VAV3: variants seen among roughly 807,000 people sequenced by gnomAD.
The protein encoded by VAV3 is guanine nucleotide exchange factor VAV3.
VAV3 carries 94 observed loss-of-function variants against 131.2 expected under a neutral mutation model. That is an observed-to-expected ratio of 0.72 (90% CI 0.61 to 0.85). VAV3 has a LOEUF of 0.85. Ranked by LOEUF, VAV3 falls within the 40% of genes least tolerant of loss-of-function variation. VAV3 has a pLI of 0.00. For missense variants in VAV3, 939 were observed against 1,002.7 expected, an observed-to-expected ratio of 0.94 and a Z score of 0.86; for synonymous variants, 349 against 342.0, an observed-to-expected ratio of 1.02 and a Z score of -0.22.
chr1:107,700,658 T>G (rs1055716702), intron 17 of VAV3, among the ~76,000 whole-genome samples: 5 of 152,230 alleles, frequency 3.3e-5, no homozygotes, highest in African/African-American at 1.2e-4. Context: ...CGGCATGGTA[T>G]TCTATGATAT....
intron 1 of VAV3, among the ~76,000 whole-genome samples, chr1:107,934,184 A>G (rs557884216): frequency 6.6e-6 from 1 of 152,340 alleles, no homozygotes; most frequent in South Asian, 2.1e-4. Context: ...AAATAATTAT[A>G]TCCTTTAGAA....
intron 15 of VAV3, among the ~76,000 whole-genome samples, chr1:107,747,031 C>T (rs186971399): frequency 1.5e-4 from 23 of 152,140 alleles, no homozygotes; most frequent in African/African-American, 5.3e-4. Flanking sequence ...AGGCATGTGC[C>T]ACCACACCCG....
intron 15 of VAV3, among the ~76,000 whole-genome samples, chr1:107,727,219 T>A (rs761983681): frequency 1.3e-5 from 2 of 152,246 alleles, no homozygotes; most frequent in African/African-American, 2.4e-5. Flanking sequence ...CTGGGTCCCA[T>A]GGCCAAGTCA....
At chr1:107,760,279 C>T (rs575709976) in intron 10 of VAV3, among the ~76,000 whole-genome samples, 1 of 152,206 alleles carries the variant, frequency 6.6e-6, no homozygotes, top group African/African-American at 2.4e-5. Flanking sequence ...AGAAGACTAA[C>T]CGTGGAAACC....
intron 2 of VAV3, among the ~76,000 whole-genome samples, chr1:107,823,457 G>A (rs372663867): frequency 6.6e-6 from 1 of 152,154 alleles, no homozygotes; most frequent in East Asian, 1.9e-4. Context: ...GATAAGTGAA[G>A]CAATGGGAAT....
In VAV3 at chr1:107,749,545, C is replaced by T; in HGVS notation, c.1309G>A (p.Asp437Asn). 1 of 1,611,688 alleles carries T rather than the reference C, an allele frequency of 6.2e-7. No individual in the cohort carries two copies. The highest frequency in any genetic ancestry group is 8.5e-7 in the Non-Finnish European group (1 of 1,179,218). ...LAVIVCKRKGDNYEMKEIIDL... is the reference protein window; with the variant it reads ...LAVIVCKRKGNNYEMKEIIDL... ...ATTATTTCCTTCATTTCATAGTTAT[C>T]ACCTTTTCTCTTACATACGATCACT... The change falls in exon 14 of 27, where the codon GAT (aspartate) becomes AAT (asparagine). Residue 437 changes from aspartate to asparagine, a missense_variant. Physicochemically the swap from Asp to Asn is conservative, Grantham distance 23. Transcript: ENST00000370056.
chr1:107,735,148 T>C (rs973991243), intron 15 of VAV3, among the ~76,000 whole-genome samples: 4 of 152,350 alleles, frequency 2.6e-5, no homozygotes, highest in African/African-American at 4.8e-5. Context: ...AAACATGTTC[T>C]TTGAAACCAA....
chr1:107,863,971 C>T (rs543849897), intron 2 of VAV3, among the ~76,000 whole-genome samples: 350 of 152,200 alleles, frequency 2.3e-3, no homozygotes, highest in Middle Eastern at 0.014. Flanking sequence ...GTCAAGTTTT[C>T]TCTCTAAAAG....
At chr1:107,608,890 T>C (rs1475328369) in intron 22 of VAV3, among the ~76,000 whole-genome samples, 1 of 152,244 alleles carries the variant, frequency 6.6e-6, no homozygotes, top group Admixed American at 6.5e-5. Context: ...TTTCTATGCA[T>C]GTATTTTAAT....
chr1:107,615,672 T>C (rs1287737136), intron 21 of VAV3, among the ~76,000 whole-genome samples: 1 of 152,080 alleles, frequency 6.6e-6, no homozygotes, highest in Admixed American at 6.6e-5. Flanking sequence ...ACATAGAGAA[T>C]GGGAGACAAT....
chr1:107,885,670 GA>G (rs1671000831), intron 1 of VAV3, among the ~76,000 whole-genome samples: 1 of 151,992 alleles, frequency 6.6e-6, no homozygotes, highest in African/African-American at 2.4e-5. Flanking sequence ...GTACTTACCT[GA>G]TACAGGTAAG....
At chr1:107,610,519 C>T (rs1036101396) in intron 21 of VAV3, among the ~76,000 whole-genome samples, 14 of 152,072 alleles carry the variant, frequency 9.2e-5, no homozygotes, top group Non-Finnish European at 1.5e-5. Context: ...AAACAATATA[C>T]ACTGGATATA....
chr1:107,630,221 C>G (rs58389950), intron 20 of VAV3, among the ~76,000 whole-genome samples: 1 of 152,212 alleles, frequency 6.6e-6, no homozygotes, highest in African/African-American at 2.4e-5. Context: ...ATGGAGGCCT[C>G]CAGGTTAGAA....
intron 9 of VAV3, among the ~76,000 whole-genome samples, chr1:107,762,929 G>C (rs1664521586): frequency 6.6e-6 from 1 of 152,188 alleles, no homozygotes; most frequent in Non-Finnish European, 1.5e-5. Flanking sequence ...AATGAGGTAG[G>C]ATGAGCCAGG....
intron 17 of VAV3, among the ~76,000 whole-genome samples, chr1:107,703,728 T>C (rs1660274142): frequency 6.6e-6 from 1 of 152,242 alleles, no homozygotes; most frequent in South Asian, 2.1e-4. Flanking sequence ...AATCAAAGGT[T>C]GACATGGCTA....
At chr1:107,573,886 T>C (rs1345854401) in intron 26 of VAV3, among the ~76,000 whole-genome samples, 161 bp downstream of exon 26, 1 of 152,194 alleles carries the variant, frequency 6.6e-6, no homozygotes, top group Admixed American at 6.5e-5. Context: ...AGCGAGTCCC[T>C]GGTATCAGCA....
At chr1:107,620,024 G>C (rs1352925992) in intron 20 of VAV3, among the ~76,000 whole-genome samples, 5 of 152,058 alleles carry the variant, frequency 3.3e-5, no homozygotes, top group Non-Finnish European at 4.4e-5. Flanking sequence ...CCATACCCTT[G>C]GTGATACATG....
intron 20 of VAV3, among the ~76,000 whole-genome samples, chr1:107,627,420 G>C (rs985260411): frequency 7.2e-5 from 11 of 152,108 alleles, no homozygotes; most frequent in African/African-American, 2.7e-4. Flanking sequence ...CAAAAACTGG[G>C]TATGAGAATT....
At chr1:107,611,324 T>C (rs989510722) in intron 21 of VAV3, among the ~76,000 whole-genome samples, 4 of 152,144 alleles carry the variant, frequency 2.6e-5, no homozygotes, top group African/African-American at 4.8e-5. Flanking sequence ...TTTTATCCTA[T>C]GGATTACATT....
Sources: gnomAD v4.1 joint callset for allele counts (sites outside exome capture counted in the v4.1 genomes callset) on GRCh38, gnomAD v4.1.1 for gene constraint, MANE v1.5 for transcripts, NCBI Gene and HGNC (gene_info 2026-07-23, HGNC 2026-07-21) for gene names.